Variants in BRI3 observed in about 807,000 individuals in gnomAD.
BRI3 encodes brain protein I3.
In BRI3, 6 loss-of-function variants were observed where a neutral mutation model predicts 12.8. The ratio of observed to expected loss-of-function variants is 0.47; its 90% CI spans 0.26 to 0.93. The LOEUF is 0.93. BRI3 is among the 40% of genes least tolerant of loss of function. BRI3 has a pLI of 0.15. For missense variants in BRI3, 134 were observed against 171.1 expected, an observed-to-expected ratio of 0.78 and a Z score of 1.21; for synonymous variants, 91 against 76.1, an observed-to-expected ratio of 1.20 and a Z score of -1.02.
At chr7:98,294,578 C>T (rs1800108666), downstream of BRI3, among the ~76,000 whole-genome samples, 1 of 152,140 alleles carries the variant, frequency 6.6e-6, no homozygotes, top group African/African-American at 2.4e-5. Context: ...AGCAACAGAG[C>T]GACATCACAG....
Position 98,290,809 on chromosome 7 carries a change from C to G in BRI3, c.246-302C>G, listed in dbSNP as rs535830208. The stretch of plus-strand genomic sequence containing the variant: ...CCACCACACACCCTGCCTTGCCTTT[C>G]AAGGTTAACTGATGAGTCCTTTCAA... On this transcript the variant is annotated intron_variant, in intron 2 of 2. Transcript: ENST00000297290. Among the ~76,000 whole-genome samples, 17 of 152,378 alleles carry G rather than the reference C, an allele frequency of 1.1e-4. No individual in the cohort carries two copies. In the South Asian group the frequency reaches 3.5e-3, roughly 32 times the overall value.
chr7:98,282,376 C>T lies in BRI3; in HGVS notation c.168C>T (p.Val56=), dbSNP rs1465229795. The T allele has an allele frequency of 3.7e-6, 6 of 1,614,116 alleles. No homozygotes were observed. The highest frequency in any genetic ancestry group is 3.3e-5 in the South Asian group (3 of 91,090). The change falls in exon 2 of 3, where the codon GTC becomes GTT. Residue 56 remains valine (V), a synonymous_variant. Transcript: ENST00000297290. ...GGATACCCACCCACCATCCCAGGGT[C>T]TACAACATCCACAGCCGGACCGTCA... ...VTGIPTHHPR[V]YNIHSRTVTR...
At chr7:98,293,498 C>T (rs1002092709), downstream of BRI3, 22 of 1,606,404 alleles carry the variant, frequency 1.4e-5, no homozygotes, top group East Asian at 4.5e-5. Flanking sequence ...CGGAGAGGCC[C>T]GGGAGAGTCC....
chr7:98,290,961 TG>T, intron 2 of BRI3, 149 bp from the exon 3 acceptor site: 3 of 838,054 alleles, frequency 3.6e-6, no homozygotes, highest in Non-Finnish European at 3.8e-6. Context: ...AGCTGGGTGG[TG>T]GGGTGGGGGG....
At chr7:98,312,144 C>T (rs543691854), downstream of BRI3, 58 of 1,613,820 alleles carry the variant, frequency 3.6e-5, no homozygotes, top group East Asian at 6.7e-5. Context: ...GTTCCAGACA[C>T]GGGGGTAGAG....
chr7:98,322,088 C>A, the BRI3 span, among the ~76,000 whole-genome samples: 1 of 151,998 alleles, frequency 6.6e-6, no homozygotes. Flanking sequence ...AGAGTGAGAC[C>A]CTGTCTCCCC....
At chr7:98,304,460 C>T, upstream of BRI3, 4 of 1,373,514 alleles carry the variant, frequency 2.9e-6, no homozygotes, top group South Asian at 4.9e-5. Flanking sequence ...TGACCAAGGA[C>T]AACAGTAATA....
chr7:98,290,805 C>T lies in BRI3; in HGVS notation c.246-306C>T, dbSNP rs1012409575. Among the ~76,000 whole-genome samples the T allele has an allele frequency of 4.6e-5, 7 of 152,396 alleles. No homozygotes were observed. The South Asian group carries it at 6.2e-4, about 14-fold the overall frequency. ...TGAGCCACCACACACCCTGCCTTGC[C>T]TTTCAAGGTTAACTGATGAGTCCTT... On this transcript the variant is annotated intron_variant, in intron 2 of 2. Coordinates refer to ENST00000297290, the MANE Select transcript of BRI3 (RefSeq NM_015379.5).
At chr7:98,292,780 G>T, downstream of BRI3, 1 of 1,547,320 alleles carries the variant, frequency 6.5e-7, no homozygotes, top group Non-Finnish European at 8.7e-7. Context: ...AGAACACAAG[G>T]AGCCGTGACT....
downstream of BRI3, chr7:98,310,583 C>A: frequency 6.4e-7 from 1 of 1,566,610 alleles, no homozygotes; most frequent in Non-Finnish European, 8.6e-7. Context: ...GTGTCGTAAT[C>A]TTTCCTAACC....
chr7:98,303,423 C>A (rs1301096610), upstream of BRI3, among the ~76,000 whole-genome samples: 2 of 152,242 alleles, frequency 1.3e-5, no homozygotes, highest in African/African-American at 2.4e-5. Context: ...CTAACCTCAG[C>A]CAACCCAGCC....
chr7:98,317,530 C>CT, the BRI3 span, among the ~76,000 whole-genome samples: 2 of 151,322 alleles, frequency 1.3e-5, no homozygotes, highest in African/African-American at 4.9e-5. Flanking sequence ...CACCATCCTC[C>CT]TGCTGGCCGG....
the BRI3 span, among the ~76,000 whole-genome samples, chr7:98,319,349 A>G: frequency 2.6e-5 from 4 of 152,182 alleles, no homozygotes; most frequent in African/African-American, 9.6e-5. Flanking sequence ...GTCTCTGCAG[A>G]TGGGCCAGGG....
At chr7:98,310,300 T>TGCAAA (rs1177849602) in exon 2 of BRI3, 4 of 837,334 alleles carry the variant, frequency 4.8e-6, no homozygotes, top group Non-Finnish European at 7.2e-6. Context: ...ACTCACGCTC[T>TGCAAA]GCAAAGCCAG....
rs1393248735 is a variant in BRI3, at chr7:98,291,100, C to T, written c.246-11C>T. ...TTACGGTGCCACCCTCTCTGCCCGT[C>T]TCTGCTGCAGGGTTGGGGTGCTGGA... is the stretch of plus-strand genomic sequence containing the variant. On this transcript the variant is annotated splice_polypyrimidine_tract_variant and intron_variant, in intron 2 of 2. Transcript: ENST00000297290. 4.9e-5 allele frequency: 79 copies of T among 1,613,868 alleles called. No individual in the cohort carries two copies. Among genetic ancestry groups the T allele is most frequent in the Non-Finnish European group, 6.4e-5 (75 of 1,179,992 alleles).
upstream of BRI3, among the ~76,000 whole-genome samples, chr7:98,304,568 GAC>G (rs906465302): frequency 2.5e-4 from 38 of 152,032 alleles, no homozygotes; most frequent in African/African-American, 7.7e-4. Context: ...ATTTTTTTGC[GAC>G]AGAGTCTCAC....
chr7:98,289,564 T>C (rs1299011659), intron 2 of BRI3, among the ~76,000 whole-genome samples: 1 of 152,248 alleles, frequency 6.6e-6, no homozygotes, highest in African/African-American at 2.4e-5. Flanking sequence ...TAGGCTCCCC[T>C]TCCCCCCTAA....
chr7:98,316,148 T>C, the BRI3 span, among the ~76,000 whole-genome samples: 3 of 151,392 alleles, frequency 2.0e-5, no homozygotes, highest in African/African-American at 7.3e-5. Flanking sequence ...ATAAAGGGAG[T>C]TTCCCTGCAC....
downstream of BRI3, chr7:98,310,741 C>T: frequency 3.3e-6 from 2 of 609,894 alleles, no homozygotes; most frequent in East Asian, 3.5e-5. Context: ...GGCTGGAGTA[C>T]AGTGGCACGA....
Sources: allele counts gnomAD v4.1 joint callset (sites outside exome capture counted in the v4.1 genomes callset), GRCh38; gene constraint gnomAD v4.1.1; transcripts MANE v1.5; gene names NCBI Gene and HGNC (gene_info 2026-07-23, HGNC 2026-07-21).